NEXN: variants seen among roughly 807,000 people sequenced by gnomAD.
The protein encoded by NEXN is nexilin F-actin binding protein.
A neutral mutation model predicts 92.6 loss-of-function variants in NEXN; 65 were observed. The observed-to-expected ratio is 0.70, with a 90% CI of 0.57 to 0.86. The LOEUF is 0.86. NEXN is among the 40% of genes least tolerant of loss of function. NEXN has a pLI of 0.00. For synonymous variants in NEXN, 254 were observed against 242.5 expected (o/e 1.05, Z -0.44); for missense variants, 778 against 771.1 (o/e 1.01, Z -0.11).
intron 1 of NEXN, 73 bp from the exon 2 acceptor site, chr1:77,915,982 A>G (rs767707384): frequency 1.4e-5 from 6 of 436,942 alleles, no homozygotes; most frequent in Non-Finnish European, 2.1e-5. Flanking sequence ...ATTAACTGCT[A>G]TTTCTATTTA....
intron 9 of NEXN, among the ~76,000 whole-genome samples, chr1:77,930,255 T>G (rs1454679782): frequency 1.3e-5 from 2 of 152,202 alleles, no homozygotes; most frequent in East Asian, 1.9e-4. Context: ...ACACAGATAC[T>G]CAAATCAGAA....
rs546368706 is a variant in NEXN, at chr1:77,890,727, C to T, written c.-53+1968C>T. On this transcript the variant is annotated intron_variant, in intron 1 of 12. Transcript: ENST00000334785. ...ATTTATTAAAAAAAATACCTGTTAT[C>T]TTTGAAATACCCTAAAAGACAAAAA... Among the ~76,000 whole-genome samples, 638 of 151,982 alleles carry T rather than the reference C, an allele frequency of 4.2e-3. 5 individuals carry two copies. The highest frequency in any genetic ancestry group is 0.015 in the African/African-American group (604 of 41,452).
At chr1:77,897,696 A>G (rs1376028717) in intron 1 of NEXN, among the ~76,000 whole-genome samples, 1 of 152,218 alleles carries the variant, frequency 6.6e-6, no homozygotes, top group Non-Finnish European at 1.5e-5. Flanking sequence ...AGGGTATTCA[A>G]TTAGGAAAAG....
intron 1 of NEXN, among the ~76,000 whole-genome samples, chr1:77,896,533 C>T (rs576756668): frequency 1.4e-4 from 22 of 152,086 alleles, no homozygotes; most frequent in African/African-American, 4.1e-4. Context: ...TTTGGGAGCC[C>T]GAGGCGGGTG....
chr1:77,897,656 C>T (rs1647340642), intron 1 of NEXN, among the ~76,000 whole-genome samples: 1 of 152,030 alleles, frequency 6.6e-6, no homozygotes, highest in African/African-American at 2.4e-5. Flanking sequence ...GAAGTTCTGG[C>T]CAGGGCAATT....
rs1360890806 is a variant in NEXN at position 77,935,803 on chromosome 1, CTT to C, written c.1252-19_1252-18del. The C allele has an allele frequency of 1.4e-5, 22 of 1,600,574 alleles. No individual in the cohort carries two copies. The highest frequency in any genetic ancestry group is 2.7e-5 in the African/African-American group (2 of 74,628). On this transcript the variant is annotated intron_variant, in intron 10 of 12. Transcript: ENST00000334785. ...CTCTCTCAAAAACAGCAGCAACAAA[CTT>C]ATTAATTTTTTTTGAAGGAAGAGGA...
chr1:77,925,961 GT>G (rs1392234779), intron 6 of NEXN, among the ~76,000 whole-genome samples: 2 of 151,910 alleles, frequency 1.3e-5, no homozygotes, highest in African/African-American at 2.4e-5. Context: ...GAAATACTGT[GT>G]TTTTTTCTCA....
rs571028392 is a variant in NEXN, at chr1:77,898,838, G to A, written c.-53+10079G>A. On this transcript the variant is annotated intron_variant, in intron 1 of 12. Coordinates refer to ENST00000334785, the MANE Select transcript of NEXN (RefSeq NM_144573.4). ...AAGAAAAAAACAACCCCATCAAAAAGTGGGCAAAGGTTATGAACAGACACT... is the reference window on the plus strand; with the variant it reads ...AAGAAAAAAACAACCCCATCAAAAAATGGGCAAAGGTTATGAACAGACACT... Among the ~76,000 whole-genome samples, 433 of 152,232 alleles carry A rather than the reference G, an allele frequency of 2.8e-3. 8 individuals are homozygous for A. Among genetic ancestry groups the A allele is most frequent in the South Asian group, 1.7e-3 (8 of 4,824 alleles).
chr1:77,901,745 G>C (rs1462594391), intron 1 of NEXN, among the ~76,000 whole-genome samples: 1 of 152,072 alleles, frequency 6.6e-6, no homozygotes, highest in African/African-American at 2.4e-5. Context: ...TTCTTTTTGT[G>C]GGGGGATTTT....
chr1:77,938,589 CAA>C (rs11286873), intron 11 of NEXN, among the ~76,000 whole-genome samples: 6,988 of 119,178 alleles, frequency 0.059, 191 homozygotes, highest in East Asian at 0.12. Flanking sequence ...AAGACTGTCT[CAA>C]AAAAAAAAAA....
At chr1:77,938,966 T>C (rs1304707814) in intron 11 of NEXN, among the ~76,000 whole-genome samples, 1 of 152,220 alleles carries the variant, frequency 6.6e-6, no homozygotes, top group Non-Finnish European at 1.5e-5. Context: ...GGCTCTATGA[T>C]CTGGGCAACA....
In NEXN at chr1:77,926,800, A is replaced by G. The variant is rs1308264799; in HGVS notation, c.772A>G (p.Arg258Gly). The G allele has an allele frequency of 1.2e-6, 2 of 1,613,944 alleles. No homozygotes were observed. The highest frequency in any genetic ancestry group is 2.7e-5 in the African/African-American group (2 of 74,916). Residue 258 changes from arginine (R) to glycine (G), a missense_variant, in exon 8 of 13, where the codon AGA becomes GGA. Physicochemically the swap from Arg to Gly is moderately radical, Grantham distance 125 (BLOSUM62 -2). This residue lies in a region of NEXN where 10 missense variants were observed against 28.8 expected (regional missense o/e 0.35). Transcript: ENST00000334785. ...KLTFEELERQ[R>G]QENRKKQAEE... is the part of the protein sequence containing the mutation. ...AACTTTTGAAGAACTGGAGCGACAA[A>G]GACAAGAAAACCGAAAGAAGCAAGC...
intron 1 of NEXN, among the ~76,000 whole-genome samples, chr1:77,895,029 ATTTTTTTTTTT>A (rs559226754): frequency 2.0e-3 from 125 of 61,646 alleles, no homozygotes; most frequent in African/African-American, 7.9e-3. Flanking sequence ...CTATAGTGTA[ATTTTTTTTTTT>A]TTTTTTTTTT....
intron 9 of NEXN, among the ~76,000 whole-genome samples, chr1:77,929,791 GGAA>G (rs775771321): frequency 7.9e-5 from 12 of 152,288 alleles, no homozygotes; most frequent in East Asian, 5.8e-4. Context: ...AAGTATCCAA[GGAA>G]GAAGAAGAAG....
In NEXN at chr1:77,942,811, C is replaced by T; in HGVS notation, c.2010C>T (p.Thr670=). The T allele has an allele frequency of 6.2e-7, 1 of 1,601,352 alleles. No individual in the cohort carries two copies. Among genetic ancestry groups the T allele is most frequent in the Non-Finnish European group, 8.6e-7 (1 of 1,169,200 alleles). Residue 670 remains threonine, a synonymous_variant, in exon 13 of 13, where the codon ACC becomes ACT. Coordinates refer to ENST00000334785, the MANE Select transcript of NEXN (RefSeq NM_144573.4). ...KGSAASTCIL[T]IESKN ...CTGCAGCTAGTACCTGTATTCTTAC[C>T]ATTGAAAGTAAGAATTAATCACTCT... is the stretch of plus-strand genomic sequence containing the variant.
At chr1:77,918,297 A>T in intron 5 of NEXN, 24 bp downstream of exon 5, 5 of 1,612,838 alleles carry the variant, frequency 3.1e-6, no homozygotes, top group Non-Finnish European at 3.4e-6. Flanking sequence ...TTAAGTTCGT[A>T]TTTGTTTCTG....
intron 1 of NEXN, among the ~76,000 whole-genome samples, chr1:77,904,559 G>T (rs1647959732): frequency 6.6e-6 from 1 of 152,086 alleles, no homozygotes; most frequent in Non-Finnish European, 1.5e-5. Context: ...TAGCTTTTGG[G>T]GGTTATTTTA....
At chr1:77,933,560 A>C (rs1282895437) in intron 10 of NEXN, 81 bp downstream of exon 10, 1 of 1,038,712 alleles carries the variant, frequency 9.6e-7, no homozygotes, top group Non-Finnish European at 1.5e-6. Context: ...ATAACTTTGT[A>C]TTATTATTCA....
intron 1 of NEXN, among the ~76,000 whole-genome samples, chr1:77,897,931 T>C (rs2102039338): frequency 6.6e-6 from 1 of 151,928 alleles, no homozygotes; most frequent in Admixed American, 6.6e-5. Context: ...GAGAATAAAA[T>C]ACCTAGGAAT....
Sources: gnomAD v4.1 joint callset for allele counts (sites outside exome capture counted in the v4.1 genomes callset) on GRCh38, gnomAD v4.1.1 for gene constraint, gnomAD v4.1.1 regional missense constraint, MANE v1.5 for transcripts, NCBI Gene and HGNC (gene_info 2026-07-23, HGNC 2026-07-21) for gene names.